TMEM232: variants seen among roughly 807,000 people sequenced by gnomAD.
The protein encoded by TMEM232 is transmembrane protein 232.
A neutral mutation model predicts 78.8 loss-of-function variants in TMEM232; 80 were observed. The ratio of observed to expected loss-of-function variants is 1.01; its 90% confidence interval spans 0.85 to 1.22. The LOEUF (loss-of-function observed/expected upper bound fraction) is 1.22. Ranked by LOEUF, TMEM232 falls within the 50% of genes most tolerant of loss-of-function variation. TMEM232 has a pLI of 0.00. For missense variants in TMEM232, 881 were observed against 742.2 expected (o/e 1.19, Z -2.17); for synonymous variants, 297 against 254.3 (o/e 1.17, Z -1.60).
At chr5:110,593,144 T>C (rs1196781998) in intron 10 of TMEM232, among the ~76,000 whole-genome samples, 1 of 152,190 alleles carries the variant, frequency 6.6e-6, no homozygotes, top group Non-Finnish European at 1.5e-5. Flanking sequence ...CCATAATGTA[T>C]GGCACTGCTC....
intron 2 of TMEM232, among the ~76,000 whole-genome samples, chr5:110,649,961 A>G (rs1788067819): frequency 6.6e-6 from 1 of 152,098 alleles, no homozygotes; most frequent in African/African-American, 2.4e-5. Flanking sequence ...TGCCTGTAAA[A>G]TGGAAAAATA....
chr5:110,719,795 T>C (rs950459824), intron 1 of TMEM232, among the ~76,000 whole-genome samples: 3 of 152,130 alleles, frequency 2.0e-5, no homozygotes, highest in Admixed American at 6.6e-5. Flanking sequence ...TCTTTGTCTT[T>C]TTCTCTACTC....
chr5:110,642,273 A>G lies in TMEM232; in HGVS notation c.224T>C (p.Ile75Thr). ...ATATGCCATTACCTTACATCTGAGAATGATTTTTCTAGCTAGTTCCAACAA... is the reference window on the plus strand; with the variant it reads ...ATATGCCATTACCTTACATCTGAGAGTGATTTTTCTAGCTAGTTCCAACAA... ...EELLELARKI[I>T]LRCKRKLGLK... Residue 75 changes from isoleucine (I) to threonine (T), a missense_variant, in exon 3 of 14, where the codon ATT becomes ACT. Coordinates refer to ENST00000455884, the MANE Select transcript of TMEM232 (RefSeq NM_001039763.4). 6.5e-7 allele frequency: 1 copy of G among 1,535,944 alleles called. No individual in the cohort carries two copies. The highest frequency in any genetic ancestry group is 8.8e-7 in the Non-Finnish European group (1 of 1,140,182).
chr5:110,524,134 G>T, intron 12 of TMEM232, among the ~76,000 whole-genome samples: 1 of 150,796 alleles, frequency 6.6e-6, no homozygotes, highest in East Asian at 2.0e-4. Flanking sequence ...ATGGTGGTGC[G>T]TGCCTGTAGT....
intron 5 of TMEM232, among the ~76,000 whole-genome samples, chr5:110,637,814 A>G (rs539884304): frequency 6.6e-6 from 1 of 152,168 alleles, no homozygotes; most frequent in African/African-American, 2.4e-5. Flanking sequence ...TAGAAGAACA[A>G]CTAAGTTTCC....
At chr5:110,411,038 G>A (rs1755977863) in intron 2 of TMEM232, among the ~76,000 whole-genome samples, 1 of 152,174 alleles carries the variant, frequency 6.6e-6, no homozygotes, top group African/African-American at 2.4e-5. Context: ...GGGATGAGAA[G>A]TATCCTGGAC....
intron 12 of TMEM232, among the ~76,000 whole-genome samples, chr5:110,499,222 T>G (rs1245780749): frequency 2.0e-5 from 3 of 151,922 alleles, no homozygotes; most frequent in Non-Finnish European, 4.4e-5. Context: ...CATAGTAAAT[T>G]TTACATTAAG....
chr5:110,620,595 C>A lies in TMEM232; in HGVS notation c.769-2033G>T, dbSNP rs1439296924. ...CTCTCATATCTCTCTCTCTCTCTCT[C>A]TCTCTCTCTCTCTCTCTCTCTCTCT... is the stretch of plus-strand genomic sequence containing the variant. On this transcript the variant is annotated intron_variant, in intron 7 of 13. Transcript: ENST00000455884. 1.4e-3 allele frequency among the ~76,000 whole-genome samples: 126 copies of A among 91,342 alleles called. 1 individual carries two copies. The highest frequency in any genetic ancestry group is 6.1e-3 in the African/African-American group (117 of 19,158). The allele number at this position is 91,342 out of a possible 152,430, so 59.9% of individuals were successfully genotyped here. A position where few individuals can be genotyped will look rare whatever the true frequency, so the allele number is the denominator to read the frequency against.
Position 110,522,178 on chromosome 5 carries a change from T to C in TMEM232, c.1703+6410A>G, listed in dbSNP as rs538146127. On this transcript the variant is annotated intron_variant, in intron 12 of 13. Coordinates refer to ENST00000455884, the MANE Select transcript of TMEM232 (RefSeq NM_001039763.4). ...TTTCCAAGTATTTTATTCTTTTTCATACTATTGTAAATGTAACTGTTTTCC... is the reference window on the plus strand; with the variant it reads ...TTTCCAAGTATTTTATTCTTTTTCACACTATTGTAAATGTAACTGTTTTCC... Among the ~76,000 whole-genome samples the C allele has an allele frequency of 2.0e-5, 3 of 152,294 alleles. No homozygotes were observed. In the East Asian group the frequency reaches 5.8e-4, roughly 29 times the overall value.
At position 110,420,376 on chromosome 5, in the gene TMEM232, G is replaced by A. The variant is rs190601105; in HGVS notation, c.*204C>T. Reference sequence around the variant, plus strand: ...ACTAGTGAAATCACTTCATTCAAGTGTGATTAAAAGTTGGTCATTAATTTA... The same window carrying A: ...ACTAGTGAAATCACTTCATTCAAGTATGATTAAAAGTTGGTCATTAATTTA... On this transcript the variant is annotated 3_prime_UTR_variant, in exon 14 of 14. Coordinates refer to ENST00000455884, the MANE Select transcript of TMEM232 (RefSeq NM_001039763.4). 3.6e-4 allele frequency: 151 copies of A among 419,790 alleles called. No individual in the cohort carries two copies. Among genetic ancestry groups the A allele is most frequent in the Non-Finnish European group, 5.7e-4 (138 of 242,180 alleles). The allele number at this position is 419,790 out of a possible 1,614,324, so 26.0% of individuals were successfully genotyped here.
intron 12 of TMEM232, among the ~76,000 whole-genome samples, chr5:110,493,715 G>T (rs1765351277): frequency 6.6e-6 from 1 of 151,910 alleles, no homozygotes; most frequent in Non-Finnish European, 1.5e-5. Context: ...TAAGCTCTTG[G>T]GAAAAAGTAC....
intron 12 of TMEM232, among the ~76,000 whole-genome samples, chr5:110,460,987 C>T (rs1459269078): frequency 2.6e-5 from 4 of 151,982 alleles, no homozygotes; most frequent in Non-Finnish European, 4.4e-5. Context: ...GCTGGGGCTT[C>T]CCTATTCCCT....
chr5:110,709,805 C>A (rs1796289644), intron 1 of TMEM232, among the ~76,000 whole-genome samples: 1 of 151,898 alleles, frequency 6.6e-6, no homozygotes, highest in African/African-American at 2.4e-5. Context: ...AATAAGTAAC[C>A]TAATGATGCA....
At chr5:110,447,834 A>C (rs1435878021) in intron 12 of TMEM232, among the ~76,000 whole-genome samples, 3 of 152,120 alleles carry the variant, frequency 2.0e-5, no homozygotes, top group Admixed American at 2.0e-4. Context: ...ATGGATTGCC[A>C]ATTCAAGATA....
At chr5:110,571,114 TG>T (rs1776890350) in intron 10 of TMEM232, among the ~76,000 whole-genome samples, 1 of 152,076 alleles carries the variant, frequency 6.6e-6, no homozygotes, top group Non-Finnish European at 1.5e-5. Flanking sequence ...TGAATCTCCA[TG>T]GCTAGCTAGG....
Position 110,659,158 on chromosome 5 carries a change from A to G in TMEM232, c.125+8070T>C, listed in dbSNP as rs1469986045. On this transcript the variant is annotated intron_variant, in intron 2 of 13. Transcript: ENST00000455884. ...TTAGGAAAGGAGTCAAGTCTGAGTG[A>G]CCAAAGTAGGTGTCAGTGGATAAAT... 2.6e-5 allele frequency among the ~76,000 whole-genome samples: 4 copies of G among 152,160 alleles called. No individual in the cohort carries two copies. In the East Asian group the frequency reaches 7.7e-4, roughly 29 times the overall value.
chr5:110,644,742 G>C (rs1170072447), intron 2 of TMEM232, among the ~76,000 whole-genome samples: 4 of 150,392 alleles, frequency 2.7e-5, no homozygotes, highest in Admixed American at 2.7e-4. Context: ...GCAGAAAGAA[G>C]GAAATAATAA....
chr5:110,519,589 A>G (rs528702639), intron 12 of TMEM232, among the ~76,000 whole-genome samples: 1 of 151,720 alleles, frequency 6.6e-6, no homozygotes, highest in South Asian at 2.1e-4. Flanking sequence ...CAAAAACAAA[A>G]CCACTGTATG....
intron 10 of TMEM232, among the ~76,000 whole-genome samples, chr5:110,577,893 GAGA>G (rs562463657): frequency 2.4e-4 from 37 of 151,874 alleles, no homozygotes; most frequent in Non-Finnish European, 4.6e-4. Context: ...TGGGAGGAGG[GAGA>G]AGATCAGGAT....
Sources: allele counts gnomAD v4.1 joint callset (sites outside exome capture counted in the v4.1 genomes callset), GRCh38; gene constraint gnomAD v4.1.1; transcripts MANE v1.5; gene names NCBI Gene and HGNC (gene_info 2026-07-23, HGNC 2026-07-21).